The following CPS1 variants were observed in gnomAD, a reference collection of about 807,000 sequenced individuals.
CPS1 encodes the protein carbamoyl-phosphate synthase 1, also known as carbamoyl-phosphate synthase [ammonia], mitochondrial.
In CPS1, 109 loss-of-function variants were observed where a neutral mutation model predicts 174.6. That is an observed-to-expected ratio of 0.62 (90% CI 0.53 to 0.73). CPS1 has a LOEUF of 0.73. Ranked by LOEUF, CPS1 falls within the 30% of genes least tolerant of loss-of-function variation. The pLI is 0.00. For missense variants in CPS1, 1,689 were observed against 1,821.9 expected (o/e 0.93, Z 1.33); for synonymous variants, 637 against 632.0 (o/e 1.01, Z -0.12).
chr2:210,564,828 A>G (rs1574529830), intron 1 of CPS1, among the ~76,000 whole-genome samples: 1 of 151,970 alleles, frequency 6.6e-6, no homozygotes, highest in Non-Finnish European at 1.5e-5. Flanking sequence ...CCCCATCTCT[A>G]CTAAAAATAC....
chr2:210,526,369 C>T (rs1695972988), intron 1 of CPS1, among the ~76,000 whole-genome samples: 1 of 135,868 alleles, frequency 7.4e-6, no homozygotes, highest in African/African-American at 2.8e-5. Flanking sequence ...TATCCCAGAC[C>T]TTAAAATATA....
chr2:210,520,255 A>G (rs1008383858), intron 1 of CPS1, among the ~76,000 whole-genome samples: 3 of 152,052 alleles, frequency 2.0e-5, no homozygotes, highest in African/African-American at 7.2e-5. Context: ...CTGTGAAACT[A>G]TTACCAGAGT....
At position 210,577,414 on chromosome 2, in the gene CPS1, T is replaced by A. The variant is rs1449373331; in HGVS notation, c.382-7T>A. The stretch of plus-strand genomic sequence containing the variant: ...AACCTCTTTAAAATGACTGTCTGTC[T>A]TTCTAGGTTTCAGGTTTGCTGGTGC... On this transcript the variant is annotated splice_polypyrimidine_tract_variant and splice_region_variant and intron_variant, in intron 3 of 37. Coordinates refer to ENST00000233072, the MANE Select transcript of CPS1 (RefSeq NM_001875.5). The A allele has an allele frequency of 6.2e-7, 1 of 1,610,426 alleles. No individual in the cohort carries two copies. The highest frequency in any genetic ancestry group is 8.5e-7 in the Non-Finnish European group (1 of 1,176,740).
intron 1 of CPS1, among the ~76,000 whole-genome samples, chr2:210,550,794 T>G (rs1180713482): frequency 6.6e-6 from 1 of 151,920 alleles, no homozygotes; most frequent in South Asian, 2.1e-4. Context: ...GGGGTCTTTC[T>G]TATTTATTAC....
intron 1 of CPS1, among the ~76,000 whole-genome samples, chr2:210,529,198 C>T (rs532112202): frequency 2.0e-5 from 3 of 151,818 alleles, no homozygotes; most frequent in African/African-American, 4.8e-5. Flanking sequence ...ACATAGGAAC[C>T]AAGCCTTAAT....
At position 210,586,745 on chromosome 2, in the gene CPS1, G is replaced by T. The variant is rs570011342; in HGVS notation, c.622-1313G>T. 1.5e-4 allele frequency among the ~76,000 whole-genome samples: 23 copies of T among 152,134 alleles called. No individual in the cohort carries two copies. The South Asian group carries it at 4.8e-3, about 32-fold the overall frequency. ...GTCCAATCAAGGGAGATGCTGCAGT[G>T]GTGAAAGCTGGCTCCTTTGTTTCTT... is the stretch of plus-strand genomic sequence containing the variant. On this transcript the variant is annotated intron_variant, in intron 6 of 37. Coordinates refer to ENST00000233072, the MANE Select transcript of CPS1 (RefSeq NM_001875.5).
At chr2:210,606,650 A>G (rs1698920572) in intron 17 of CPS1, 81 bp from the exon 18 acceptor site, 3 of 1,245,920 alleles carry the variant, frequency 2.4e-6, no homozygotes, top group Non-Finnish European at 3.5e-6. Context: ...TATGTCTTGC[A>G]TCGTGCAAGT....
intron 1 of CPS1, among the ~76,000 whole-genome samples, chr2:210,489,409 G>A (rs1349991912): frequency 2.0e-5 from 3 of 152,118 alleles, no homozygotes; most frequent in Admixed American, 6.5e-5. Context: ...GCATGCTGGT[G>A]CTGGTTCATT....
At chr2:210,587,965 C>G in intron 6 of CPS1, 93 bp from the exon 7 acceptor site, 1 of 1,098,240 alleles carries the variant, frequency 9.1e-7, no homozygotes, top group South Asian at 1.2e-5. Context: ...TGTTACCAAT[C>G]TAAGTTCAAA....
At chr2:210,580,178 G>A (rs573783585) in intron 5 of CPS1, among the ~76,000 whole-genome samples, 2 of 152,230 alleles carry the variant, frequency 1.3e-5, no homozygotes, top group Admixed American at 1.3e-4. Context: ...GAAGTGTACA[G>A]CATTGTTACT....
intron 1 of CPS1, among the ~76,000 whole-genome samples, chr2:210,495,254 G>A (rs1694963254): frequency 6.6e-6 from 1 of 152,056 alleles, no homozygotes; most frequent in Non-Finnish European, 1.5e-5. Flanking sequence ...CTTATTTGTA[G>A]GTCATCTGTC....
chr2:210,657,052 T>G lies in CPS1; in HGVS notation c.3666+420T>G, dbSNP rs150613498. Among the ~76,000 whole-genome samples, 207 of 152,226 alleles carry G rather than the reference T, an allele frequency of 1.4e-3. 1 individual carries two copies. Among genetic ancestry groups the G allele is most frequent in the East Asian group, 0.011 (56 of 5,152 alleles). ...ACTGCTACTCCTGGGGATTCTAATG[T>G]TTCAGGGCCACACACAGGTGAGCGG... On this transcript the variant is annotated intron_variant, in intron 30 of 37. Coordinates refer to ENST00000233072, the MANE Select transcript of CPS1 (RefSeq NM_001875.5).
At chr2:210,500,112 A>C (rs1695101908) in intron 1 of CPS1, among the ~76,000 whole-genome samples, 1 of 152,132 alleles carries the variant, frequency 6.6e-6, no homozygotes, top group Non-Finnish European at 1.5e-5. Context: ...AGATCTCATG[A>C]GAACTCATCC....
In CPS1 at chr2:210,560,235, T is replaced by C. The variant is rs574856679; in HGVS notation, c.126+3376T>C. ...AACCTATTTCATTCATTCATTCATT[T>C]ATTCTTTAATAAACACGGAACCTCT... On this transcript the variant is annotated intron_variant, in intron 1 of 37. Coordinates refer to ENST00000233072, the MANE Select transcript of CPS1 (RefSeq NM_001875.5). Among the ~76,000 whole-genome samples the C allele has an allele frequency of 2.6e-5, 4 of 152,192 alleles. No individual in the cohort carries two copies. The South Asian group carries it at 8.3e-4, about 32-fold the overall frequency.
intron 33 of CPS1, among the ~76,000 whole-genome samples, chr2:210,667,725 G>A (rs908729367): frequency 3.9e-5 from 6 of 152,246 alleles, no homozygotes; most frequent in Admixed American, 1.3e-4. Flanking sequence ...CAGCAGTTAC[G>A]CATTTCTGCT....
chr2:210,517,214 C>T (rs967958463), intron 1 of CPS1, among the ~76,000 whole-genome samples: 30 of 151,926 alleles, frequency 2.0e-4, no homozygotes, highest in African/African-American at 7.2e-4. Context: ...TTAAGTTAGT[C>T]TTGCTGTAAT....
At chr2:210,599,676 C>T (rs1486783743) in intron 14 of CPS1, 115 bp downstream of exon 14, 4 of 1,160,842 alleles carry the variant, frequency 3.4e-6, no homozygotes, top group Non-Finnish European at 5.1e-6. Flanking sequence ...CTTTCCTCTA[C>T]TGTGTGAGAA....
intron 33 of CPS1, among the ~76,000 whole-genome samples, chr2:210,665,146 A>G (rs1007397929): frequency 1.3e-5 from 2 of 152,174 alleles, no homozygotes; most frequent in African/African-American, 4.8e-5. Context: ...GGTTGACCTT[A>G]TTTAAGTTAG....
intron 28 of CPS1, among the ~76,000 whole-genome samples, chr2:210,651,928 T>C (rs775946337): frequency 6.6e-6 from 1 of 152,238 alleles, no homozygotes; most frequent in Non-Finnish European, 1.5e-5. Context: ...ATAGGACTTC[T>C]TTTTGCTAGG....
Sources: gnomAD v4.1 joint callset for allele counts (sites outside exome capture counted in the v4.1 genomes callset) on GRCh38, gnomAD v4.1.1 for gene constraint, MANE v1.5 for transcripts, NCBI Gene and HGNC (gene_info 2026-07-23, HGNC 2026-07-21) for gene names.